The following ATP6V1E2 variants were observed in gnomAD, a reference collection of about 807,000 sequenced individuals.
The protein encoded by ATP6V1E2 is V-type proton ATPase subunit E 2.
For missense variants in ATP6V1E2, 308 were observed against 273.3 expected, an observed-to-expected ratio of 1.13 and a Z score of -0.90; for synonymous variants, 121 against 104.2, an observed-to-expected ratio of 1.16 and a Z score of -0.98.
intron 4 of ATP6V1E2, chr2:46,527,732 C>T (rs936261775): frequency 1.3e-5 from 2 of 152,010 alleles, no homozygotes; most frequent in Admixed American, 6.6e-5. Context: ...ATGAAATTAC[C>T]CATTGTGGTA....
In ATP6V1E2 at chr2:46,512,017, C is replaced by T. The variant is rs1471355326; in HGVS notation, c.*14G>A. On this transcript the variant is annotated 3_prime_UTR_variant, in exon 5 of 5. Transcript: ENST00000522587. ...TGGTTTAGTGGTTCAACACTAGCTT[C>T]ACTTCCCAGAGGCTTATATAAAGAA... 3.9e-6 allele frequency: 6 copies of T among 1,549,668 alleles called. No homozygotes were observed. Among genetic ancestry groups the T allele is most frequent in the Non-Finnish European group, 4.3e-6 (5 of 1,152,080 alleles).
intron 4 of ATP6V1E2, chr2:46,527,941 C>G (rs953259443): frequency 6.6e-6 from 1 of 152,176 alleles, no homozygotes; most frequent in African/African-American, 2.4e-5. Flanking sequence ...GAGCACTCAC[C>G]TCCAGCCACA....
At chr2:46,521,633 G>T (rs1666630864) in intron 4 of ATP6V1E2, among the ~76,000 whole-genome samples, 1 of 152,074 alleles carries the variant, frequency 6.6e-6, no homozygotes, top group South Asian at 2.1e-4. Context: ...CTCCTTTGGG[G>T]GATTTTAAAT....
intron 4 of ATP6V1E2, among the ~76,000 whole-genome samples, chr2:46,525,456 C>A (rs1189664390): frequency 2.3e-5 from 2 of 88,566 alleles, no homozygotes; most frequent in Non-Finnish European, 2.5e-5. Context: ...AACGAGACTC[C>A]GTCTCAAAAA....
At chr2:46,534,966 A>G (rs1476523063) in intron 4 of ATP6V1E2, 1 of 152,206 alleles carries the variant, frequency 6.6e-6, no homozygotes. Context: ...ATTCACAGGG[A>G]TTCCAGGAGC....
Position 46,511,909 on chromosome 2 carries a change from G to T in ATP6V1E2, c.*122C>A. ...ACTTTAGCTATCCAAAGGGTATTTC[G>T]TGAAGAAAAACAGAACAGTATCAGA... is the stretch of plus-strand genomic sequence containing the variant. On this transcript the variant is annotated 3_prime_UTR_variant, in exon 5 of 5. Coordinates refer to ENST00000522587, the MANE Select transcript of ATP6V1E2 (RefSeq NM_001318063.2). 1.2e-6 allele frequency: 1 copy of T among 864,146 alleles called. No individual in the cohort carries two copies. The highest frequency in any genetic ancestry group is 1.7e-6 in the Non-Finnish European group (1 of 586,906). 53.5% of individuals were successfully genotyped at this position (864,146 alleles called of 1,614,324 possible). A position where few individuals can be genotyped will look rare whatever the true frequency, so the allele number is the denominator to read the frequency against.
At chr2:46,538,485 C>T (rs566200211) in intron 2 of ATP6V1E2, among the ~76,000 whole-genome samples, 1 of 145,264 alleles carries the variant, frequency 6.9e-6, no homozygotes, top group Admixed American at 7.1e-5. Context: ...CTAACCCCTA[C>T]TCACTGGGCA....
intron 2 of ATP6V1E2, among the ~76,000 whole-genome samples, chr2:46,540,611 A>T (rs1667695241): frequency 2.8e-5 from 2 of 70,730 alleles, no homozygotes; most frequent in African/African-American, 6.7e-5. Context: ...CTTTTTCTGT[A>T]ACTTTTTTTT....
intron 1 of ATP6V1E2, chr2:46,541,821 AG>A (rs1166644117): frequency 6.6e-6 from 1 of 152,498 alleles, no homozygotes. Context: ...GCAGAGGGGC[AG>A]GGGTTGCCGC....
Position 46,535,413 on chromosome 2 carries a change from C to T in ATP6V1E2, c.-102+400G>A, listed in dbSNP as rs955979965. ...TGTGGCTGATTAAACAGAAAGAAAT[C>T]TTAAAAGGATCACAGGCAGGTCACA... On this transcript the variant is annotated intron_variant, in intron 4 of 4. Transcript: ENST00000522587. The surrounding 1 kb of genome is among the most constrained non-coding windows in gnomAD (Gnocchi z 4.4). 1.3e-5 allele frequency: 2 copies of T among 152,168 alleles called. No individual in the cohort carries two copies. The highest frequency in any genetic ancestry group is 6.5e-5 in the Admixed American group (1 of 15,268). The allele number at this position is 152,168 out of a possible 1,614,324, so 9.4% of individuals were successfully genotyped here.
intron 4 of ATP6V1E2, among the ~76,000 whole-genome samples, chr2:46,523,644 T>C (rs1308677675): frequency 1.3e-5 from 2 of 152,228 alleles, no homozygotes; most frequent in African/African-American, 4.8e-5. Context: ...CCTTGTAGCA[T>C]AGTTTGAAGT....
intron 2 of ATP6V1E2, among the ~76,000 whole-genome samples, chr2:46,539,329 T>C (rs1449627857): frequency 6.6e-6 from 1 of 152,250 alleles, no homozygotes; most frequent in Non-Finnish European, 1.5e-5. Context: ...ACTGCTTGCC[T>C]AGACAGTGCC....
intron 4 of ATP6V1E2, chr2:46,518,807 T>C (rs1666451078): frequency 1.5e-5 from 2 of 130,676 alleles, no homozygotes; most frequent in Admixed American, 7.8e-5. Context: ...TGTGTGTGTG[T>C]GTGTTTTAAG....
intron 4 of ATP6V1E2, among the ~76,000 whole-genome samples, chr2:46,521,991 T>C (rs1666655661): frequency 6.6e-6 from 1 of 152,176 alleles, no homozygotes; most frequent in African/African-American, 2.4e-5. Flanking sequence ...CGCCAGGCCC[T>C]GTCTTTCAAA....
chr2:46,516,971 AG>A (rs2103838831), intron 4 of ATP6V1E2, among the ~76,000 whole-genome samples: 1 of 152,324 alleles, frequency 6.6e-6, no homozygotes, highest in South Asian at 2.1e-4. Flanking sequence ...TTGCAGAAAT[AG>A]GGTGGGAGAA....
At chr2:46,526,788 C>G (rs1666943451) in intron 4 of ATP6V1E2, among the ~76,000 whole-genome samples, 1 of 152,122 alleles carries the variant, frequency 6.6e-6, no homozygotes, top group Non-Finnish European at 1.5e-5. Context: ...TTCATAGAGA[C>G]TTGGGGTGCT....
rs1466337022 is a variant in ATP6V1E2 at position 46,535,585 on chromosome 2, C to T, written c.-102+228G>A. ...CATGTGTACAGTTGTCACTTCTGAA[C>T]CAGGAACTCAATTATACCACAACCA... On this transcript the variant is annotated intron_variant, in intron 4 of 4. Coordinates refer to ENST00000522587, the MANE Select transcript of ATP6V1E2 (RefSeq NM_001318063.2). The surrounding 1 kb of genome is among the most constrained non-coding windows in gnomAD (Gnocchi z 4.4). 11 of 152,214 alleles carry T rather than the reference C, an allele frequency of 7.2e-5. No homozygotes were observed. Among genetic ancestry groups the T allele is most frequent in the Non-Finnish European group, 1.5e-5 (1 of 68,052 alleles). 9.4% of individuals were successfully genotyped at this position (152,214 alleles called of 1,614,324 possible). A position where few individuals can be genotyped will look rare whatever the true frequency, so the allele number is the denominator to read the frequency against.
At chr2:46,540,195 C>T (rs1228152221) in intron 2 of ATP6V1E2, among the ~76,000 whole-genome samples, 3 of 152,026 alleles carry the variant, frequency 2.0e-5, no homozygotes, top group Middle Eastern at 3.2e-3. Context: ...CTGAGGCAGG[C>T]GGATCACTTT....
chr2:46,533,951 C>A (rs1667316367), intron 4 of ATP6V1E2, among the ~76,000 whole-genome samples: 1 of 152,092 alleles, frequency 6.6e-6, no homozygotes, highest in Non-Finnish European at 1.5e-5. Flanking sequence ...TGTCTTTGTT[C>A]CCTGTATAAA....
Sources: allele counts gnomAD v4.1 joint callset (sites outside exome capture counted in the v4.1 genomes callset), GRCh38; gene constraint gnomAD v4.1.1; non-coding constraint Gnocchi (gnomAD v3.1); transcripts MANE v1.5; gene names NCBI Gene and HGNC (gene_info 2026-07-23, HGNC 2026-07-21).